Variants in LRIG3 observed in about 807,000 individuals in gnomAD.
The protein encoded by LRIG3 is leucine-rich repeats and immunoglobulin-like domains protein 3.
Under a neutral mutation model 114.5 loss-of-function variants are expected in LRIG3, and 76 were observed. That is an observed-to-expected ratio of 0.66 (90% CI 0.55 to 0.80). LRIG3 has a LOEUF of 0.80. Among genes scored for constraint, LRIG3 ranks in the 30% least tolerant of loss-of-function variants. LRIG3 has a pLI of 0.00. For missense variants in LRIG3, 1,239 were observed against 1,382.8 expected, an observed-to-expected ratio of 0.90 and a Z score of 1.65; for synonymous variants, 512 against 519.8, an observed-to-expected ratio of 0.98 and a Z score of 0.20.
chr12:58,917,069 CAA>C (rs1872505547), intron 1 of LRIG3, among the ~76,000 whole-genome samples: 1 of 152,092 alleles, frequency 6.6e-6, no homozygotes, highest in South Asian at 2.1e-4. Flanking sequence ...CTGCTATATT[CAA>C]GTTTTAGTCT....
At chr12:58,919,550 G>A in intron 1 of LRIG3, 1 of 1,549,446 alleles carries the variant, frequency 6.5e-7, no homozygotes, top group Non-Finnish European at 8.7e-7. Context: ...CAGTTACTGG[G>A]TGGGAACAGG....
intron 3 of LRIG3, among the ~76,000 whole-genome samples, chr12:58,910,618 A>G (rs1186683561): frequency 1.3e-5 from 2 of 152,086 alleles, no homozygotes; most frequent in East Asian, 3.9e-4. Context: ...AAAAAAAAAC[A>G]AAAACAAAAA....
chr12:58,911,987 A>G (rs1462125114), intron 3 of LRIG3, among the ~76,000 whole-genome samples: 1 of 152,240 alleles, frequency 6.6e-6, no homozygotes, highest in Non-Finnish European at 1.5e-5. Context: ...TGGATGTATC[A>G]TTATGTGAGA....
chr12:58,879,051 A>G lies in LRIG3; in HGVS notation c.1856T>C (p.Met619Thr). Residue 619 changes from methionine to threonine, a missense_variant, in exon 14 of 19, where the codon ATG (methionine) becomes ACG (threonine). Physicochemically the swap from Met to Thr is moderately conservative, Grantham distance 81. Transcript: ENST00000320743. ...PMDLTIRAGA[M>T]ARLECAAVGH... is the part of the protein sequence containing the mutation. ...CACAGCAGCACACTCCAAGCGTGCC[A>G]TGGCCCCAGCTCGGATGGTGAGATC... 1 of 1,614,146 alleles carries G rather than the reference A, an allele frequency of 6.2e-7. No homozygotes were observed. The highest frequency in any genetic ancestry group is 8.5e-7 in the Non-Finnish European group (1 of 1,179,986).
intron 4 of LRIG3, 70 bp from the exon 5 acceptor site, chr12:58,890,209 A>G (rs1871409567): frequency 6.6e-7 from 1 of 1,523,394 alleles, no homozygotes; most frequent in African/African-American, 1.4e-5. Context: ...CCATCTCTGT[A>G]TTAGAAGGAG....
At chr12:58,911,259 G>A (rs1347639983) in intron 3 of LRIG3, among the ~76,000 whole-genome samples, 1 of 152,138 alleles carries the variant, frequency 6.6e-6, no homozygotes, top group Non-Finnish European at 1.5e-5. Flanking sequence ...ATTTGTCTCT[G>A]GACATGCGGT....
intron 10 of LRIG3, among the ~76,000 whole-genome samples, chr12:58,885,406 C>T (rs1482339424): frequency 6.6e-6 from 1 of 152,038 alleles, no homozygotes; most frequent in African/African-American, 2.4e-5. Flanking sequence ...ACTCTTAGAA[C>T]CTCCGCTTAA....
intron 3 of LRIG3, among the ~76,000 whole-genome samples, chr12:58,906,888 A>G (rs942885523): frequency 6.6e-6 from 1 of 152,052 alleles, no homozygotes; most frequent in Non-Finnish European, 1.5e-5. Context: ...GACCTTTAGT[A>G]CTATCAAACA....
intron 1 of LRIG3, chr12:58,919,455 G>C (rs1477231101): frequency 9.7e-6 from 15 of 1,551,624 alleles, no homozygotes; most frequent in Admixed American, 5.9e-5. Flanking sequence ...AGCAAGCAGA[G>C]GGAGAACAAC....
chr12:58,909,533 G>C (rs1018939702), intron 3 of LRIG3, among the ~76,000 whole-genome samples: 5 of 152,158 alleles, frequency 3.3e-5, no homozygotes, highest in Admixed American at 1.3e-4. Flanking sequence ...ACTTAAAAGA[G>C]GGCTTGGTAC....
In LRIG3 at chr12:58,883,595, A is replaced by G; in HGVS notation, c.1245-4T>C. 6.5e-7 allele frequency: 1 copy of G among 1,538,740 alleles called. No homozygotes were observed. Among genetic ancestry groups the G allele is most frequent in the African/African-American group, 1.3e-5 (1 of 74,138 alleles). ...GATTGCGTTGTCACTCAGGTCTCTG[A>G]AAAATCACCAAATCAAATGCATCAG... On this transcript the variant is annotated splice_polypyrimidine_tract_variant and splice_region_variant and intron_variant, in intron 10 of 18. Coordinates refer to ENST00000320743, the MANE Select transcript of LRIG3 (RefSeq NM_153377.5).
intron 3 of LRIG3, among the ~76,000 whole-genome samples, chr12:58,901,951 A>G (rs1303534735): frequency 6.6e-6 from 1 of 152,216 alleles, no homozygotes; most frequent in African/African-American, 2.4e-5. Context: ...TCTGATTCCA[A>G]GTTGCTAGAA....
intron 3 of LRIG3, among the ~76,000 whole-genome samples, chr12:58,892,837 T>C (rs1396440383): frequency 6.6e-6 from 1 of 152,220 alleles, no homozygotes; most frequent in Non-Finnish European, 1.5e-5. Context: ...ACAAGTCTGA[T>C]TGTTCCTAAA....
chr12:58,907,252 A>G (rs1043502930), intron 3 of LRIG3, among the ~76,000 whole-genome samples: 10 of 152,220 alleles, frequency 6.6e-5, no homozygotes, highest in African/African-American at 2.4e-4. Context: ...CACTTAGCAC[A>G]CAGTAGGCAT....
chr12:58,875,447 C>T (rs1870885332), intron 16 of LRIG3, among the ~76,000 whole-genome samples: 1 of 152,216 alleles, frequency 6.6e-6, no homozygotes, highest in African/African-American at 2.4e-5. Context: ...ACATATACTT[C>T]TCTCCCAACT....
intron 1 of LRIG3, among the ~76,000 whole-genome samples, chr12:58,917,842 C>A (rs563016721): frequency 6.6e-6 from 1 of 152,266 alleles, no homozygotes; most frequent in Admixed American, 6.5e-5. Flanking sequence ...TATCTGAACT[C>A]GGAAATCATC....
chr12:58,895,048 T>C (rs1189362468), intron 3 of LRIG3, among the ~76,000 whole-genome samples: 1 of 152,190 alleles, frequency 6.6e-6, no homozygotes, highest in Admixed American at 6.5e-5. Flanking sequence ...GCTTCTCGGG[T>C]CCAGTGATAA....
In LRIG3 at chr12:58,887,834, T is replaced by G. The variant is rs1440243127; in HGVS notation, c.1046A>C (p.Tyr349Ser). 1.2e-6 allele frequency: 2 copies of G among 1,613,854 alleles called. No homozygotes were observed. The change falls in exon 8 of 19, where the codon TAC becomes TCC. Residue 349 changes from tyrosine (Y) to serine (S), a missense_variant. Coordinates refer to ENST00000320743, the MANE Select transcript of LRIG3 (RefSeq NM_153377.5). ...CCCCCGGAAGGCACAATCAGCAATG[T>G]AGCTGACTCTGTTGTTCCCAATGTG... ...TLHIGNNRVS[Y>S]IADCAFRGLS...
chr12:58,915,262 C>A (rs547802936), intron 1 of LRIG3, among the ~76,000 whole-genome samples: 1 of 152,080 alleles, frequency 6.6e-6, no homozygotes. Context: ...GATGAAAAAC[C>A]GGGATAACAA....
Sources: gnomAD v4.1 joint callset for allele counts (sites outside exome capture counted in the v4.1 genomes callset) on GRCh38, gnomAD v4.1.1 for gene constraint, MANE v1.5 for transcripts, NCBI Gene and HGNC (gene_info 2026-07-23, HGNC 2026-07-21) for gene names.